Variants in GARIN1B observed in about 807,000 individuals in gnomAD.
The protein encoded by GARIN1B is Golgi-associated RAB2 interactor protein 1B.
At chr7:128,716,801 G>C in the GARIN1B span, 7 of 1,595,830 alleles carry the variant, frequency 4.4e-6, no homozygotes, top group African/African-American at 1.3e-5. Flanking sequence ...GTGCCTGGGG[G>C]CTGTGTTGCA....
At chr7:128,724,278 C>T in the GARIN1B span, among the ~76,000 whole-genome samples, 1 of 152,130 alleles carries the variant, frequency 6.6e-6, no homozygotes, top group Non-Finnish European at 1.5e-5. Flanking sequence ...CCCAAAGTGC[C>T]AGGACTACAG....
the GARIN1B span, among the ~76,000 whole-genome samples, chr7:128,728,678 G>A: frequency 9.9e-5 from 15 of 152,156 alleles, no homozygotes; most frequent in African/African-American, 3.4e-4. Flanking sequence ...TTCAAGAGAA[G>A]CCAAAAGATC....
the GARIN1B span, chr7:128,715,561 G>T: frequency 6.2e-7 from 1 of 1,614,170 alleles, no homozygotes; most frequent in Non-Finnish European, 8.5e-7. Context: ...GGGGCCTCTT[G>T]CCTGTGGATG....
At chr7:128,726,681 C>CAAT in the GARIN1B span, 2 of 634,254 alleles carry the variant, frequency 3.2e-6, no homozygotes, top group South Asian at 4.5e-5. Context: ...CACACCCATC[C>CAAT]AATATAGCCA....
chr7:128,722,196 A>G, the GARIN1B span, among the ~76,000 whole-genome samples: 1 of 152,144 alleles, frequency 6.6e-6, no homozygotes, highest in Admixed American at 6.5e-5. Flanking sequence ...TTCTTCTTTA[A>G]ATATTTGATA....
chr7:128,719,847 G>A, the GARIN1B span, among the ~76,000 whole-genome samples: 16 of 151,586 alleles, frequency 1.1e-4, no homozygotes, highest in South Asian at 2.3e-3. Flanking sequence ...TTACAGGCAC[G>A]CACCACCATG....
chr7:128,711,709 G>A, the GARIN1B span, among the ~76,000 whole-genome samples: 3 of 149,890 alleles, frequency 2.0e-5, no homozygotes, highest in African/African-American at 7.4e-5. Flanking sequence ...TTACAGTGAT[G>A]TTCTCCAGGA....
chr7:128,730,607 G>T, the GARIN1B span, among the ~76,000 whole-genome samples: 7 of 151,994 alleles, frequency 4.6e-5, no homozygotes, highest in Admixed American at 4.6e-4. Flanking sequence ...AAAGGGAGGG[G>T]TGATTTCTGT....
the GARIN1B span, among the ~76,000 whole-genome samples, chr7:128,729,109 G>A: frequency 2.0e-5 from 3 of 152,308 alleles, no homozygotes; most frequent in Admixed American, 1.3e-4. Flanking sequence ...GATGTTCCTA[G>A]GCTGAAATTG....
chr7:128,723,259 G>C, the GARIN1B span: 1 of 1,613,060 alleles, frequency 6.2e-7, no homozygotes, highest in Non-Finnish European at 8.5e-7. Context: ...TAATGACCAA[G>C]GGGGAGAGTG....
At chr7:128,709,301 A>G in the GARIN1B span, 1 of 152,206 alleles carries the variant, frequency 6.6e-6, no homozygotes, top group Non-Finnish European at 1.5e-5. Flanking sequence ...TCATGCCACT[A>G]CCTGCACCCA....
At chr7:128,710,325 T>C in the GARIN1B span, among the ~76,000 whole-genome samples, 10 of 152,362 alleles carry the variant, frequency 6.6e-5, no homozygotes, top group East Asian at 1.7e-3. Flanking sequence ...TTACCTGCAA[T>C]ATAGTACATT....
At chr7:128,726,938 C>T in the GARIN1B span, 2 of 1,409,406 alleles carry the variant, frequency 1.4e-6, no homozygotes, top group Non-Finnish European at 2.0e-6. Flanking sequence ...ATAAGATCCC[C>T]TCCAGCCCCC....
the GARIN1B span, among the ~76,000 whole-genome samples, chr7:128,709,402 G>A: frequency 6.6e-6 from 1 of 151,996 alleles, no homozygotes; most frequent in Non-Finnish European, 1.5e-5. Flanking sequence ...ATGTTTAGTG[G>A]TCCAACTAAT....
chr7:128,724,676 T>C, the GARIN1B span: 34 of 1,266,668 alleles, frequency 2.7e-5, no homozygotes, highest in South Asian at 4.0e-4. Flanking sequence ...CTATTACTTA[T>C]GGTTTAATAG....
chr7:128,724,663 T>C, the GARIN1B span: 1 of 1,222,994 alleles, frequency 8.2e-7, no homozygotes, highest in Non-Finnish European at 1.1e-6. Context: ...AGGGTCCTAG[T>C]GCCTATTACT....
chr7:128,730,733 G>A, the GARIN1B span, among the ~76,000 whole-genome samples: 1 of 151,736 alleles, frequency 6.6e-6, no homozygotes, highest in African/African-American at 2.4e-5. Flanking sequence ...TGCAACCTCC[G>A]CCTCCCAGGT....
the GARIN1B span, chr7:128,726,683 A>G: frequency 4.3e-6 from 3 of 695,296 alleles, no homozygotes; most frequent in East Asian, 3.3e-5. Flanking sequence ...CACCCATCCA[A>G]TATAGCCACA....
At chr7:128,727,050 T>G in the GARIN1B span, among the ~76,000 whole-genome samples, 1 of 152,310 alleles carries the variant, frequency 6.6e-6, no homozygotes, top group Admixed American at 6.5e-5. Context: ...TGGCACCAAG[T>G]CCTAACCAAT....
Sources: gnomAD v4.1 joint callset for allele counts (sites outside exome capture counted in the v4.1 genomes callset) on GRCh38, gnomAD v4.1.1 for gene constraint, MANE v1.5 for transcripts, NCBI Gene and HGNC (gene_info 2026-07-23, HGNC 2026-07-21) for gene names.